The following GDAP1 variants were observed in gnomAD, a reference collection of about 807,000 sequenced individuals.
GDAP1 encodes ganglioside induced differentiation associated protein 1.
Under a neutral mutation model 40.1 loss-of-function variants are expected in GDAP1, and 34 were observed. The ratio of observed to expected loss-of-function variants is 0.85; its 90% CI spans 0.64 to 1.13. The LOEUF (loss-of-function observed/expected upper bound fraction) is 1.13. GDAP1 is among the 50% of genes most tolerant of loss of function. The pLI is 0.00. For missense variants in GDAP1, 374 were observed against 433.7 expected (o/e 0.86, Z 1.22); for synonymous variants, 170 against 157.4 (o/e 1.08, Z -0.60).
intron 2 of GDAP1, among the ~76,000 whole-genome samples, chr8:74,354,242 C>T (rs149985916): frequency 3.6e-4 from 55 of 152,138 alleles, no homozygotes; most frequent in African/African-American, 1.2e-3. Context: ...CTGTAAGTAC[C>T]ATGAGGTTGG....
At chr8:74,454,977 G>A (rs1410321020) in intron 2 of GDAP1, among the ~76,000 whole-genome samples, 1 of 151,942 alleles carries the variant, frequency 6.6e-6, no homozygotes, top group Non-Finnish European at 1.5e-5. Flanking sequence ...ATGAATATTA[G>A]AGAGTTTGTG....
At chr8:74,396,163 G>A (rs1810195516) in intron 2 of GDAP1, among the ~76,000 whole-genome samples, 1 of 151,842 alleles carries the variant, frequency 6.6e-6, no homozygotes, top group African/African-American at 2.4e-5. Context: ...TTTGGGAACT[G>A]GAAACACCTC....
At chr8:74,407,580 A>G (rs1805657832) in intron 2 of GDAP1, among the ~76,000 whole-genome samples, 1 of 149,904 alleles carries the variant, frequency 6.7e-6, no homozygotes, top group Non-Finnish European at 1.5e-5. Context: ...CTTGATCCTC[A>G]GCTTGCTGAC....
intron 2 of GDAP1, among the ~76,000 whole-genome samples, chr8:74,408,642 TG>T (rs911688480): frequency 6.7e-6 from 1 of 150,116 alleles, no homozygotes; most frequent in African/African-American, 2.5e-5. Context: ...AATAAATTTC[TG>T]TTGTTTATAA....
intron 2 of GDAP1, among the ~76,000 whole-genome samples, chr8:74,458,391 T>C (rs779008574): frequency 5.9e-5 from 9 of 152,182 alleles, no homozygotes; most frequent in Non-Finnish European, 1.2e-4. Flanking sequence ...ACATGTGAAA[T>C]GAAGACAATG....
chr8:74,438,705 A>G (rs1032858654), intron 2 of GDAP1, among the ~76,000 whole-genome samples: 2 of 152,140 alleles, frequency 1.3e-5, no homozygotes, highest in Non-Finnish European at 2.9e-5. Flanking sequence ...GGCTCCAGCA[A>G]TCCTTCCACC....
chr8:74,400,956 C>T (rs2131548748), intron 2 of GDAP1, among the ~76,000 whole-genome samples: 1 of 150,018 alleles, frequency 6.7e-6, no homozygotes, highest in African/African-American at 2.5e-5. Context: ...TTGTGGGTAA[C>T]CTGACCTTTC....
At chr8:74,458,937 C>A (rs1437145568) in intron 2 of GDAP1, among the ~76,000 whole-genome samples, 2 of 152,092 alleles carry the variant, frequency 1.3e-5, no homozygotes, top group African/African-American at 4.8e-5. Flanking sequence ...CCTCCAGACA[C>A]CCTGCTGATA....
chr8:74,389,602 C>G (rs1044682215), intron 2 of GDAP1, among the ~76,000 whole-genome samples: 33 of 152,124 alleles, frequency 2.2e-4, no homozygotes, highest in African/African-American at 7.7e-4. Context: ...TCTGGCTGCC[C>G]TTAATGTTTC....
chr8:74,377,039 A>G lies in GDAP1; in HGVS notation c.165+25718A>G, dbSNP rs1809866216. Reference sequence around the variant, plus strand: ...ACATATACCTCAATATTAATATTAAATTGTACAGAAAATTACTTTGATATC... The same window carrying G: ...ACATATACCTCAATATTAATATTAAGTTGTACAGAAAATTACTTTGATATC... On this transcript the variant is annotated intron_variant, in intron 2 of 2. Coordinates refer to the GDAP1 transcript ENST00000523640. Among the ~76,000 whole-genome samples the G allele has an allele frequency of 2.0e-5, 3 of 152,230 alleles. No individual in the cohort carries two copies. In the South Asian group the frequency reaches 6.2e-4, roughly 32 times the overall value.
At chr8:74,357,004 C>T (rs865965232) in intron 2 of GDAP1, among the ~76,000 whole-genome samples, 114 of 152,040 alleles carry the variant, frequency 7.5e-4, no homozygotes, top group African/African-American at 2.6e-3. Context: ...CATGAGCCAC[C>T]GTGCCCAGCC....
chr8:74,360,442 A>G (rs945559317), intron 3 of GDAP1, 132 bp downstream of exon 3: 5 of 783,960 alleles, frequency 6.4e-6, no homozygotes, highest in Middle Eastern at 3.0e-4. Flanking sequence ...ATGGATGTGC[A>G]TGTTATGGAT....
At chr8:74,415,600 A>G (rs533108050) in intron 2 of GDAP1, among the ~76,000 whole-genome samples, 4 of 150,252 alleles carry the variant, frequency 2.7e-5, no homozygotes, top group African/African-American at 7.6e-5. Context: ...CTACTGGGCA[A>G]CCTGGCAGTC....
Position 74,365,111 on chromosome 8 carries a change from C to T in GDAP1, c.*744C>T, listed in dbSNP as rs1809559423. ...AAAGGGTGGCATCTGTAGCCCTCTT[C>T]ATACACATAAGTGGCATTTAGGTGA... On this transcript the variant is annotated 3_prime_UTR_variant, in exon 6 of 6. Coordinates refer to ENST00000220822, the MANE Select transcript of GDAP1 (RefSeq NM_018972.4). 1 of 454,110 alleles carries T rather than the reference C, an allele frequency of 2.2e-6. No individual in the cohort carries two copies. Among genetic ancestry groups the T allele is most frequent in the Non-Finnish European group, 4.4e-6 (1 of 226,794 alleles). 28.1% of individuals were successfully genotyped at this position (454,110 alleles called of 1,614,324 possible).
chr8:74,353,228 G>C (rs554698597), intron 2 of GDAP1, among the ~76,000 whole-genome samples: 197 of 152,278 alleles, frequency 1.3e-3, no homozygotes, highest in African/African-American at 4.6e-3. Flanking sequence ...ACTGTAGGCT[G>C]TGACAGGATG....
At chr8:74,448,934 G>A (rs1184352714) in intron 2 of GDAP1, among the ~76,000 whole-genome samples, 4 of 151,970 alleles carry the variant, frequency 2.6e-5, no homozygotes, top group Non-Finnish European at 4.4e-5. Context: ...AGTGTTCAGT[G>A]CTAATTTGCT....
chr8:74,354,410 T>C (rs1197095217), intron 2 of GDAP1, among the ~76,000 whole-genome samples: 1 of 152,210 alleles, frequency 6.6e-6, no homozygotes, highest in Non-Finnish European at 1.5e-5. Context: ...GTAGGCTTCT[T>C]TTTTGACTTG....
chr8:74,477,596 C>T (rs573286045), intron 2 of GDAP1, among the ~76,000 whole-genome samples: 4 of 152,036 alleles, frequency 2.6e-5, no homozygotes, highest in Admixed American at 1.3e-4. Context: ...ATTCTCTAAC[C>T]CTGGGGTACT....
At chr8:74,421,474 A>G (rs1006439838) in intron 2 of GDAP1, among the ~76,000 whole-genome samples, 2 of 152,174 alleles carry the variant, frequency 1.3e-5, no homozygotes, top group African/African-American at 4.8e-5. Flanking sequence ...CACTATTGTC[A>G]TGAGTAACAA....
Sources: gnomAD v4.1 joint callset for allele counts (sites outside exome capture counted in the v4.1 genomes callset) on GRCh38, gnomAD v4.1.1 for gene constraint, MANE v1.5 for transcripts, NCBI Gene and HGNC (gene_info 2026-07-23, HGNC 2026-07-21) for gene names.